TMEM182: variants seen among roughly 807,000 people sequenced by gnomAD.
TMEM182 encodes the protein transmembrane protein 182.
TMEM182 carries 20 observed loss-of-function variants against 26.8 expected under a neutral mutation model. That is an observed-to-expected ratio of 0.75 (90% CI 0.53 to 1.09). TMEM182 has a LOEUF of 1.09. Among genes scored for constraint, TMEM182 ranks in the 50% least tolerant of loss-of-function variants. The pLI, the probability that TMEM182 is intolerant of heterozygous loss-of-function variation, is 0.00. For missense variants in TMEM182, 277 were observed against 275.5 expected, an observed-to-expected ratio of 1.01 and a Z score of -0.04; for synonymous variants, 109 against 102.2, an observed-to-expected ratio of 1.07 and a Z score of -0.40.
downstream of TMEM182, among the ~76,000 whole-genome samples, chr2:102,820,947 G>A (rs186239095): frequency 6.8e-4 from 104 of 152,214 alleles, no homozygotes; most frequent in African/African-American, 2.4e-3. Context: ...GAGGGAGAGA[G>A]GAATCCATGG....
chr2:102,839,470 T>TATATATATATATATATATAA (rs1177507950), intron 3 of TMEM182, among the ~76,000 whole-genome samples: 1 of 140,376 alleles, frequency 7.1e-6, no homozygotes, highest in African/African-American at 2.7e-5. Flanking sequence ...TATATATATA[T>TATATATATATATATATATAA]AATATATACA....
intron 1 of TMEM182, among the ~76,000 whole-genome samples, chr2:102,745,914 AT>A (rs1183261805): frequency 1.3e-5 from 2 of 152,148 alleles, no homozygotes; most frequent in Non-Finnish European, 1.5e-5. Context: ...TGCTATGAAC[AT>A]TTGTGTATAA....
At chr2:102,750,314 T>C (rs1679841238) in intron 1 of TMEM182, among the ~76,000 whole-genome samples, 1 of 152,182 alleles carries the variant, frequency 6.6e-6, no homozygotes, top group Admixed American at 6.5e-5. Flanking sequence ...ACTTTATCAT[T>C]GTATAATGTA....
At chr2:102,739,178 C>T (rs1189941497) in intron 1 of TMEM182, among the ~76,000 whole-genome samples, 2 of 152,164 alleles carry the variant, frequency 1.3e-5, no homozygotes, top group East Asian at 1.9e-4. Flanking sequence ...AGCACTTAAA[C>T]TCAGAAGACA....
intron 1 of TMEM182, among the ~76,000 whole-genome samples, chr2:102,742,222 A>G (rs1679563960): frequency 6.6e-6 from 1 of 152,194 alleles, no homozygotes; most frequent in Non-Finnish European, 1.5e-5. Context: ...GAAATCAAGA[A>G]CACTGTAACA....
intron 3 of TMEM182, among the ~76,000 whole-genome samples, chr2:102,839,966 G>A (rs1376840895): frequency 1.3e-5 from 2 of 152,184 alleles, no homozygotes; most frequent in Admixed American, 1.3e-4. Flanking sequence ...CTTTGGGAGT[G>A]TAGAATTGTT....
intron 4 of TMEM182, among the ~76,000 whole-genome samples, chr2:102,813,868 T>G (rs918057375): frequency 1.3e-5 from 2 of 152,122 alleles, no homozygotes; most frequent in Non-Finnish European, 2.9e-5. Context: ...CTCTAGTTAG[T>G]GGTTAGGCAT....
At chr2:102,775,954 T>A (rs1680897979) in intron 3 of TMEM182, among the ~76,000 whole-genome samples, 1 of 152,168 alleles carries the variant, frequency 6.6e-6, no homozygotes, top group Non-Finnish European at 1.5e-5. Flanking sequence ...CAATTGTAAA[T>A]AATATTATAT....
intron 4 of TMEM182, among the ~76,000 whole-genome samples, chr2:102,803,746 G>C (rs1682238121): frequency 6.6e-6 from 1 of 152,238 alleles, no homozygotes; most frequent in South Asian, 2.1e-4. Flanking sequence ...TCCAGGTAAA[G>C]GAGGATGTGG....
In TMEM182 at chr2:102,769,218, G is replaced by C. The variant is rs200566561; in HGVS notation, c.331+4791G>C. On this transcript the variant is annotated intron_variant, in intron 3 of 4. Transcript: ENST00000412401. ...ACAGAAGGGAAATGGAGAAAGCCTG[G>C]GAGTGAATGAAAATCAAAATCATTC... 9.2e-5 allele frequency among the ~76,000 whole-genome samples: 14 copies of C among 152,234 alleles called. No individual in the cohort carries two copies. The East Asian group carries it at 2.7e-3, about 29-fold the overall frequency.
At chr2:102,754,420 CT>C (rs1558753515) in intron 1 of TMEM182, among the ~76,000 whole-genome samples, 1 of 152,094 alleles carries the variant, frequency 6.6e-6, no homozygotes, top group East Asian at 1.9e-4. Flanking sequence ...TTTTCAGAGA[CT>C]TTTGGATATT....
intron 4 of TMEM182, among the ~76,000 whole-genome samples, chr2:102,814,179 A>C (rs1445191935): frequency 3.3e-5 from 5 of 151,930 alleles, no homozygotes; most frequent in African/African-American, 1.2e-4. Context: ...TCTAGTGCTT[A>C]CTTTGGTTTC....
At chr2:102,741,721 A>G (rs1176852389) in intron 1 of TMEM182, among the ~76,000 whole-genome samples, 1 of 152,206 alleles carries the variant, frequency 6.6e-6, no homozygotes, top group African/African-American at 2.4e-5. Context: ...AAATATTAAC[A>G]AGGTTCCAGT....
rs567598469 is a variant in TMEM182, at chr2:102,817,475, T to G, written c.*2507T>G. Reference sequence around the variant, plus strand: ...GGTTTAATTCACTCAGGTGGATGATTGCACATACATTGGAATTGGCTGGAG... The same window carrying G: ...GGTTTAATTCACTCAGGTGGATGATGGCACATACATTGGAATTGGCTGGAG... On this transcript the variant is annotated 3_prime_UTR_variant, in exon 5 of 5. Transcript: ENST00000412401. 1.4e-5 allele frequency: 14 copies of G among 985,426 alleles called. No homozygotes were observed. In the African/African-American group the frequency reaches 2.4e-4, roughly 17 times the overall value. 61.0% of individuals were successfully genotyped at this position (985,426 alleles called of 1,614,324 possible).
chr2:102,769,379 A>T (rs1680586250), intron 3 of TMEM182, among the ~76,000 whole-genome samples: 1 of 152,256 alleles, frequency 6.6e-6, no homozygotes, highest in Admixed American at 6.5e-5. Context: ...GGGATCAAGG[A>T]TGATGAAGAA....
At chr2:102,779,937 A>C (rs1244232935) in intron 3 of TMEM182, among the ~76,000 whole-genome samples, 1 of 152,002 alleles carries the variant, frequency 6.6e-6, no homozygotes, top group Non-Finnish European at 1.5e-5. Context: ...CAGGAGGCGG[A>C]GGTTGCAGTG....
Position 102,817,473 on chromosome 2 carries a change from A to C in TMEM182, c.*2505A>C, listed in dbSNP as rs549347991. ...CTGGTTTAATTCACTCAGGTGGATGATTGCACATACATTGGAATTGGCTGG... is the reference window on the plus strand; with the variant it reads ...CTGGTTTAATTCACTCAGGTGGATGCTTGCACATACATTGGAATTGGCTGG... On this transcript the variant is annotated 3_prime_UTR_variant, in exon 5 of 5. Transcript: ENST00000412401. 14 of 985,412 alleles carry C rather than the reference A, an allele frequency of 1.4e-5. No individual in the cohort carries two copies. In the African/African-American group the frequency reaches 2.3e-4, roughly 16 times the overall value. 61.0% of individuals were successfully genotyped at this position (985,412 alleles called of 1,614,324 possible). A position where few individuals can be genotyped will look rare whatever the true frequency, so the allele number is the denominator to read the frequency against.
chr2:102,741,198 G>A (rs1475023743), intron 1 of TMEM182, among the ~76,000 whole-genome samples: 1 of 152,186 alleles, frequency 6.6e-6, no homozygotes, highest in African/African-American at 2.4e-5. Context: ...AGCTTACTGG[G>A]AGCAGAAGCT....
At chr2:102,758,931 T>C (rs535486510), upstream of TMEM182, among the ~76,000 whole-genome samples, 2 of 152,314 alleles carry the variant, frequency 1.3e-5, no homozygotes, top group East Asian at 3.9e-4. Flanking sequence ...TAGGGAGTGG[T>C]CTTTCATGGC....
Sources: gnomAD v4.1 joint callset for allele counts (sites outside exome capture counted in the v4.1 genomes callset) on GRCh38, gnomAD v4.1.1 for gene constraint, MANE v1.5 for transcripts, NCBI Gene and HGNC (gene_info 2026-07-23, HGNC 2026-07-21) for gene names.